RORA: variants seen among roughly 807,000 people sequenced by gnomAD.
RORA encodes RAR related orphan receptor A.
Under a neutral mutation model 69.5 loss-of-function variants are expected in RORA, and 7 were observed. The ratio of observed to expected loss-of-function variants is 0.10; its 90% CI spans 0.06 to 0.19. The LOEUF (loss-of-function observed/expected upper bound fraction) is 0.19. RORA is among the 10% of genes least tolerant of loss of function. The probability of loss-of-function intolerance (pLI) is 1.00; values close to 1 mark genes in which losing one functional copy is unlikely to be tolerated. For synonymous variants in RORA, 261 were observed against 240.8 expected, an observed-to-expected ratio of 1.08 and a Z score of -0.78; for missense variants, 457 against 663.0, an observed-to-expected ratio of 0.69 and a Z score of 3.41.
intron 1 of RORA, among the ~76,000 whole-genome samples, chr15:60,709,601 T>A (rs1033453920): frequency 6.6e-6 from 1 of 151,812 alleles, no homozygotes; most frequent in Non-Finnish European, 1.5e-5. Context: ...TGTTGTGAAG[T>A]GCACACGTGA....
At chr15:60,743,679 G>A (rs941226040) in intron 1 of RORA, among the ~76,000 whole-genome samples, 2 of 152,184 alleles carry the variant, frequency 1.3e-5, no homozygotes, top group African/African-American at 4.8e-5. Context: ...CAATCTCTCT[G>A]CCCATCTCCA....
chr15:60,945,331 C>A (rs933186786), intron 1 of RORA, among the ~76,000 whole-genome samples: 11 of 152,136 alleles, frequency 7.2e-5, no homozygotes, highest in African/African-American at 2.7e-4. Flanking sequence ...GGGGACAAGG[C>A]ACAGTGCTGG....
At chr15:60,985,359 A>C (rs999856769) in intron 1 of RORA, among the ~76,000 whole-genome samples, 118 of 151,272 alleles carry the variant, frequency 7.8e-4, no homozygotes, top group African/African-American at 2.5e-3. Context: ...TTTTTAAATT[A>C]GGTAGAAAAG....
chr15:61,137,036 A>T (rs532648715), intron 1 of RORA, among the ~76,000 whole-genome samples: 55 of 129,402 alleles, frequency 4.3e-4, no homozygotes, highest in Non-Finnish European at 2.1e-4. Context: ...AGAAAGAAAG[A>T]AAGAAAGAAA....
At chr15:60,813,591 C>T (rs1331867341) in intron 1 of RORA, among the ~76,000 whole-genome samples, 1 of 152,174 alleles carries the variant, frequency 6.6e-6, no homozygotes, top group East Asian at 1.9e-4. Flanking sequence ...TGCCCATCTT[C>T]CCATCAGCCT....
chr15:60,879,089 A>G (rs1470940239), intron 1 of RORA, among the ~76,000 whole-genome samples: 1 of 152,168 alleles, frequency 6.6e-6, no homozygotes, highest in Non-Finnish European at 1.5e-5. Flanking sequence ...AAGGTCCTCT[A>G]CTGCCCAAGT....
chr15:61,091,997 G>A (rs1258839528), intron 1 of RORA, among the ~76,000 whole-genome samples: 4 of 152,112 alleles, frequency 2.6e-5, no homozygotes, highest in Non-Finnish European at 4.4e-5. Flanking sequence ...AGCCAACACC[G>A]TAGTCAAACA....
chr15:60,963,719 C>T (rs1893476252), intron 1 of RORA, among the ~76,000 whole-genome samples: 1 of 152,168 alleles, frequency 6.6e-6, no homozygotes, highest in African/African-American at 2.4e-5. Flanking sequence ...TAGAACTCAG[C>T]GGGAATGGCC....
intron 1 of RORA, among the ~76,000 whole-genome samples, chr15:61,191,863 A>G (rs2079803403): frequency 6.6e-6 from 1 of 152,260 alleles, no homozygotes. Flanking sequence ...AATATTTAAA[A>G]ATTAGGTCTG....
chr15:60,587,467 G>C (rs939291681), intron 2 of RORA, among the ~76,000 whole-genome samples: 1 of 152,166 alleles, frequency 6.6e-6, no homozygotes, highest in African/African-American at 2.4e-5. Context: ...ATAGAAATTA[G>C]GGTTGTAGTT....
intron 5 of RORA, among the ~76,000 whole-genome samples, chr15:60,509,617 T>C: frequency 6.6e-6 from 1 of 152,188 alleles, no homozygotes; most frequent in Non-Finnish European, 1.5e-5. Context: ...GTCACTAGTA[T>C]TTATGGTAAG....
chr15:60,666,252 T>C (rs1412240511), intron 2 of RORA, among the ~76,000 whole-genome samples: 1 of 151,672 alleles, frequency 6.6e-6, no homozygotes, highest in Non-Finnish European at 1.5e-5. Context: ...ACTGTAGTCT[T>C]GACTTCCTGG....
intron 1 of RORA, among the ~76,000 whole-genome samples, chr15:61,086,846 T>C (rs761901395): frequency 7.2e-5 from 11 of 152,186 alleles, no homozygotes; most frequent in Admixed American, 1.3e-4. Flanking sequence ...ATGGCACTTC[T>C]ATTGTACAAC....
Position 60,703,592 on chromosome 15 carries a change from G to A in RORA, c.167-24906C>T, listed in dbSNP as rs376977001. Among the ~76,000 whole-genome samples the A allele has an allele frequency of 1.8e-4, 28 of 152,252 alleles. No individual in the cohort carries two copies. The East Asian group carries it at 5.0e-3, about 27-fold the overall frequency. ...CTTAGATGGGGACAGTCACAAGCCGGTTTTACTACTAGAGCTAGGAGGCTT... is the reference window on the plus strand; with the variant it reads ...CTTAGATGGGGACAGTCACAAGCCGATTTTACTACTAGAGCTAGGAGGCTT... On this transcript the variant is annotated intron_variant, in intron 1 of 10. Transcript: ENST00000335670.
chr15:61,150,953 T>C (rs1196462884), intron 1 of RORA, among the ~76,000 whole-genome samples: 1 of 152,212 alleles, frequency 6.6e-6, no homozygotes, highest in East Asian at 1.9e-4. Context: ...TTTAAATTAT[T>C]AGAAGGCAAA....
At position 60,511,395 on chromosome 15, in the gene RORA, G is replaced by A. The variant is rs144636056; in HGVS notation, c.651C>T (p.Ala217=). 1,131 of 1,614,024 alleles carry A rather than the reference G, an allele frequency of 7.0e-4. No individual in the cohort carries two copies. The highest frequency in any genetic ancestry group is 9.0e-4 in the Non-Finnish European group (1,059 of 1,180,034). Residue 217 remains alanine (A), a synonymous_variant, in exon 5 of 11, where the codon GCC becomes GCT. Transcript: ENST00000335670. The surrounding 1 kb of genome is among the most constrained non-coding windows in gnomAD (Gnocchi z 6.4). ...GTATGTCCAGGTAGAAGCTGCTGAC[G>A]GCGGAGTCTGCCTTACTCCCCTCAG... The part of the protein sequence containing the change: ...HTPEGSKADS[A]VSSFYLDIQP...
At chr15:60,827,805 C>G (rs1333183530) in intron 1 of RORA, among the ~76,000 whole-genome samples, 1 of 152,202 alleles carries the variant, frequency 6.6e-6, no homozygotes, top group African/African-American at 2.4e-5. Context: ...CAGTTCCAAT[C>G]CTATAAAGGA....
chr15:61,042,774 T>A (rs1336974527), intron 1 of RORA, among the ~76,000 whole-genome samples: 1 of 152,222 alleles, frequency 6.6e-6, no homozygotes, highest in East Asian at 1.9e-4. Flanking sequence ...GTCCTTTACT[T>A]TATTTACCTC....
intron 1 of RORA, among the ~76,000 whole-genome samples, chr15:60,788,236 G>A (rs2072366212): frequency 6.6e-6 from 1 of 152,200 alleles, no homozygotes; most frequent in Non-Finnish European, 1.5e-5. Flanking sequence ...TGAAGAACAT[G>A]TTGTTGCACC....
Sources: allele counts gnomAD v4.1 joint callset (sites outside exome capture counted in the v4.1 genomes callset), GRCh38; gene constraint gnomAD v4.1.1; non-coding constraint Gnocchi (gnomAD v3.1); transcripts MANE v1.5; gene names NCBI Gene and HGNC (gene_info 2026-07-23, HGNC 2026-07-21).